Variants in CPD observed in about 807,000 individuals in gnomAD.
The protein encoded by CPD is carboxypeptidase D, also known as metallocarboxypeptidase D.
Under a neutral mutation model 138.3 loss-of-function variants are expected in CPD, and 69 were observed. That is an observed-to-expected ratio of 0.50 (90% CI 0.41 to 0.61). The LOEUF is 0.61. CPD is among the 20% of genes least tolerant of loss of function. The probability of loss-of-function intolerance (pLI) is 0.00; values close to 1 mark genes in which losing one functional copy is unlikely to be tolerated. For synonymous variants in CPD, 651 were observed against 642.1 expected, an observed-to-expected ratio of 1.01 and a Z score of -0.21; for missense variants, 1,432 against 1,733.3, an observed-to-expected ratio of 0.83 and a Z score of 3.09.
intron 2 of CPD, among the ~76,000 whole-genome samples, chr17:30,396,849 C>T (rs934190560): frequency 2.0e-5 from 3 of 147,868 alleles, no homozygotes; most frequent in Non-Finnish European, 4.5e-5. Flanking sequence ...TCTTTCCTTC[C>T]TCTCTCTCTC....
At chr17:30,436,499 G>A (rs565620284) in intron 8 of CPD, among the ~76,000 whole-genome samples, 9 of 152,256 alleles carry the variant, frequency 5.9e-5, no homozygotes, top group African/African-American at 1.9e-4. Context: ...AGAGAAAATG[G>A]CCAATAAGCA....
At position 30,384,227 on chromosome 17, in the gene CPD, G is replaced by GT. The variant is rs537408683; in HGVS notation, c.747-755dup. On this transcript the variant is annotated intron_variant, in intron 1 of 20. Coordinates refer to ENST00000225719, the MANE Select transcript of CPD (RefSeq NM_001304.5). ...CTGAATCAGGTTGTTTTCTTTGTTTGTTTTTTTCCTGAATCTTCTCAACTA... is the reference window on the plus strand; with the variant it reads ...CTGAATCAGGTTGTTTTCTTTGTTTGTTTTTTTTCCTGAATCTTCTCAACTA... Among the ~76,000 whole-genome samples the GT allele has an allele frequency of 2.2e-4, 34 of 152,054 alleles. No homozygotes were observed. In the South Asian group the frequency reaches 5.4e-3, roughly 24 times the overall value.
At chr17:30,434,084 T>G (rs1912636706) in intron 8 of CPD, among the ~76,000 whole-genome samples, 1 of 152,184 alleles carries the variant, frequency 6.6e-6, no homozygotes, top group South Asian at 2.1e-4. Context: ...CATTCAAAGT[T>G]TCTTTATTTT....
chr17:30,435,735 G>A (rs934011054), intron 8 of CPD, among the ~76,000 whole-genome samples: 3 of 152,186 alleles, frequency 2.0e-5, no homozygotes, highest in Non-Finnish European at 4.4e-5. Context: ...CAAACTGGGT[G>A]GTCTAAGACA....
intron 1 of CPD, 28 bp from the exon 2 acceptor site, chr17:30,384,961 G>T: frequency 6.3e-7 from 1 of 1,594,430 alleles, no homozygotes; most frequent in South Asian, 1.1e-5. Context: ...CTTTTTTAGT[G>T]ATACGTGATT....
At chr17:30,384,240 A>G (rs1045738174) in intron 1 of CPD, among the ~76,000 whole-genome samples, 1 of 152,162 alleles carries the variant, frequency 6.6e-6, no homozygotes, top group African/African-American at 2.4e-5. Context: ...TTTTTCCTGA[A>G]TCTTCTCAAC....
At chr17:30,447,203 G>A (rs978596526) in intron 12 of CPD, among the ~76,000 whole-genome samples, 3 of 152,110 alleles carry the variant, frequency 2.0e-5, no homozygotes, top group Admixed American at 6.6e-5. Flanking sequence ...GTCAATTTTG[G>A]CTTTTGTTGC....
chr17:30,464,538 TA>T lies in CPD; in HGVS notation c.3917-48del, dbSNP rs772881463. ...AGTTCCATTGTAAGCGGCTGCTTAT[TA>T]ATATCCTTAAAGTATAATATCACCC... On this transcript the variant is annotated intron_variant, in intron 20 of 20. Coordinates refer to ENST00000225719, the MANE Select transcript of CPD (RefSeq NM_001304.5). 51 of 1,479,232 alleles carry T rather than the reference TA, an allele frequency of 3.4e-5. 1 individual carries two copies. In the South Asian group the frequency reaches 4.6e-4, roughly 13 times the overall value. The allele number at this position is 1,479,232 out of a possible 1,614,324, so 91.6% of individuals were successfully genotyped here.
intron 17 of CPD, 101 bp downstream of exon 17, chr17:30,456,627 A>C (rs530699986): frequency 8.8e-7 from 1 of 1,139,356 alleles, no homozygotes; most frequent in Admixed American, 1.8e-5. Context: ...GGATTTTCTG[A>C]GTTTGGGAGT....
At chr17:30,429,746 AG>A (rs1470314163) in intron 7 of CPD, among the ~76,000 whole-genome samples, 2 of 152,198 alleles carry the variant, frequency 1.3e-5, no homozygotes, top group East Asian at 3.8e-4. Flanking sequence ...GACTACACAA[AG>A]GAAGGGGTTT....
rs532804638 is a variant in CPD, at chr17:30,387,112, T to TTTG, written c.994+1894_994+1896dup. On this transcript the variant is annotated intron_variant, in intron 2 of 20. Coordinates refer to ENST00000225719, the MANE Select transcript of CPD (RefSeq NM_001304.5). Reference sequence around the variant, plus strand: ...TGAAATGTTATTTTTTAAAGAATTGTTTGTTGTTGTTGTTGTTGTTTTCAG... The same window carrying TTTG: ...TGAAATGTTATTTTTTAAAGAATTGTTTGTTGTTGTTGTTGTTGTTGTTTTCAG... Among the ~76,000 whole-genome samples, 380 of 152,144 alleles carry TTTG rather than the reference T, an allele frequency of 2.5e-3. 1 individual carries two copies. The highest frequency in any genetic ancestry group is 8.6e-3 in the African/African-American group (359 of 41,516).
At chr17:30,402,376 G>A (rs1216980917) in intron 2 of CPD, among the ~76,000 whole-genome samples, 1 of 152,070 alleles carries the variant, frequency 6.6e-6, no homozygotes, top group Non-Finnish European at 1.5e-5. Flanking sequence ...GACCAGCCTG[G>A]CCAACATGGT....
Position 30,464,766 on chromosome 17 carries a change from G to A in CPD, c.4095G>A (p.Gln1365=), listed in dbSNP as rs755130357. The A allele has an allele frequency of 6.2e-7, 1 of 1,613,784 alleles. No homozygotes were observed. Among genetic ancestry groups the A allele is most frequent in the Non-Finnish European group, 8.5e-7 (1 of 1,179,876 alleles). Residue 1365 remains glutamine, a synonymous_variant, in exon 21 of 21, where the codon CAG becomes CAA. Coordinates refer to ENST00000225719, the MANE Select transcript of CPD (RefSeq NM_001304.5). ...AGTCCCTCCTAAGCCATGAGTTCCA[G>A]GATGAAACAGACACTGAAGAGGAAA... is the stretch of plus-strand genomic sequence containing the variant. ...SKKSLLSHEF[Q]DETDTEEETL...
At chr17:30,393,949 C>G (rs1467137729) in intron 2 of CPD, among the ~76,000 whole-genome samples, 1 of 151,820 alleles carries the variant, frequency 6.6e-6, no homozygotes, top group African/African-American at 2.4e-5. Context: ...AAGACCTGGG[C>G]AACTGGTGAG....
intron 2 of CPD, among the ~76,000 whole-genome samples, chr17:30,411,544 G>C (rs1183844332): frequency 1.3e-5 from 2 of 152,168 alleles, no homozygotes; most frequent in East Asian, 3.9e-4. Flanking sequence ...TTTCTTGGAG[G>C]CTTTTTTCGT....
In CPD at chr17:30,442,464, A is replaced by G; in HGVS notation, c.2373+14A>G. The G allele has an allele frequency of 6.2e-7, 1 of 1,607,280 alleles. No individual in the cohort carries two copies. The highest frequency in any genetic ancestry group is 8.5e-7 in the Non-Finnish European group (1 of 1,175,022). On this transcript the variant is annotated intron_variant, in intron 10 of 20. Coordinates refer to ENST00000225719, the MANE Select transcript of CPD (RefSeq NM_001304.5). ...TTTATGAAACAGGTGACTATTCAGG[A>G]GTGAAGTATGAAATTTCTCCCGAGG...
chr17:30,380,663 A>C, intron 1 of CPD: 1 of 1,485,834 alleles, frequency 6.7e-7, no homozygotes, highest in Non-Finnish European at 9.0e-7. Flanking sequence ...GTACCCAGTT[A>C]AACTTTACAG....
At chr17:30,414,499 C>T (rs1240041374) in intron 2 of CPD, among the ~76,000 whole-genome samples, 1 of 151,724 alleles carries the variant, frequency 6.6e-6, no homozygotes, top group East Asian at 1.9e-4. Context: ...AGGAGAATGG[C>T]ATGAATCCGG....
chr17:30,400,370 C>A, intron 2 of CPD, among the ~76,000 whole-genome samples: 1 of 152,190 alleles, frequency 6.6e-6, no homozygotes, highest in South Asian at 2.1e-4. Context: ...TTATGTTGTA[C>A]TTAACTTATA....
Sources: gnomAD v4.1 joint callset for allele counts (sites outside exome capture counted in the v4.1 genomes callset) on GRCh38, gnomAD v4.1.1 for gene constraint, MANE v1.5 for transcripts, NCBI Gene and HGNC (gene_info 2026-07-23, HGNC 2026-07-21) for gene names.